Variants in ERI3 observed in about 807,000 individuals in gnomAD.
ERI3 encodes the protein ERI1 exoribonuclease 3.
ERI3 carries 18 observed loss-of-function variants against 44.4 expected under a neutral mutation model. That is an observed-to-expected ratio of 0.41 (90% CI 0.28 to 0.60). The LOEUF is 0.60. ERI3 is among the 20% of genes least tolerant of loss of function. The pLI is 0.36. For missense variants in ERI3, 294 were observed against 435.5 expected (o/e 0.68, Z 2.89); for synonymous variants, 183 against 164.8 (o/e 1.11, Z -0.84).
intron 6 of ERI3, among the ~76,000 whole-genome samples, chr1:44,300,266 A>C (rs1645695716): frequency 2.0e-5 from 3 of 152,236 alleles, no homozygotes; most frequent in African/African-American, 7.2e-5. Context: ...TTCACTGAGC[A>C]GAATTTCCAT....
chr1:44,349,959 AAATAC>A (rs1236506613), intron 2 of ERI3, among the ~76,000 whole-genome samples: 44 of 152,320 alleles, frequency 2.9e-4, no homozygotes, highest in African/African-American at 1.1e-3. Flanking sequence ...GACGCTCACC[AAATAC>A]AATACTTTAT....
chr1:44,319,266 T>A (rs1199239501), intron 4 of ERI3, among the ~76,000 whole-genome samples: 1 of 152,268 alleles, frequency 6.6e-6, no homozygotes, highest in African/African-American at 2.4e-5. Flanking sequence ...GGCCTGAACA[T>A]AACCCTGCCT....
intron 2 of ERI3, among the ~76,000 whole-genome samples, chr1:44,340,753 G>A (rs1257276422): frequency 6.6e-6 from 1 of 152,146 alleles, no homozygotes. Flanking sequence ...GTTCTTCATG[G>A]ATCCTGCACA....
At chr1:44,269,473 C>T (rs1374187862) in intron 7 of ERI3, among the ~76,000 whole-genome samples, 4 of 152,190 alleles carry the variant, frequency 2.6e-5, no homozygotes, top group African/African-American at 4.8e-5. Context: ...TTTGTGGGCC[C>T]GTGCACACAT....
chr1:44,328,209 C>T (rs1041576781), intron 3 of ERI3, among the ~76,000 whole-genome samples: 5 of 148,702 alleles, frequency 3.4e-5, no homozygotes, highest in African/African-American at 1.2e-4. Flanking sequence ...AAGCAATACA[C>T]AAACGGATAC....
chr1:44,331,844 A>G (rs1287184320), intron 3 of ERI3, among the ~76,000 whole-genome samples: 2 of 152,050 alleles, frequency 1.3e-5, no homozygotes, highest in African/African-American at 4.8e-5. Context: ...TGGTCTCCTG[A>G]ATTTCTTATA....
At chr1:44,266,153 AGGC>A (rs1309888924) in intron 7 of ERI3, among the ~76,000 whole-genome samples, 1 of 152,212 alleles carries the variant, frequency 6.6e-6, no homozygotes, top group Non-Finnish European at 1.5e-5. Flanking sequence ...AGCTTTCTGA[AGGC>A]ACTTGATATA....
intron 7 of ERI3, among the ~76,000 whole-genome samples, chr1:44,281,475 C>T (rs1645280545): frequency 6.6e-6 from 1 of 151,268 alleles, no homozygotes; most frequent in African/African-American, 2.4e-5. Flanking sequence ...GTAGTCCCAG[C>T]TACTTGGGAG....
At chr1:44,313,360 G>C (rs1646014435) in intron 4 of ERI3, 132 bp from the exon 5 acceptor site, 1 of 754,228 alleles carries the variant, frequency 1.3e-6, no homozygotes, top group South Asian at 1.7e-5. Flanking sequence ...TTTAGGTTCA[G>C]AGCCCACCTA....
At chr1:44,343,777 C>G (rs893808888) in intron 2 of ERI3, among the ~76,000 whole-genome samples, 5 of 152,028 alleles carry the variant, frequency 3.3e-5, no homozygotes, top group Admixed American at 6.6e-5. Flanking sequence ...TGTATTTTGA[C>G]TAGGTAGGAA....
At chr1:44,246,519 T>C (rs1644557805) in intron 8 of ERI3, among the ~76,000 whole-genome samples, 1 of 152,226 alleles carries the variant, frequency 6.6e-6, no homozygotes, top group African/African-American at 2.4e-5. Context: ...TCACTTCCTC[T>C]TAGCCTGAGC....
chr1:44,297,166 C>T (rs1034889387), intron 6 of ERI3, among the ~76,000 whole-genome samples: 3 of 152,112 alleles, frequency 2.0e-5, no homozygotes, highest in Non-Finnish European at 4.4e-5. Flanking sequence ...CCAACATCCT[C>T]GCAAGCTTTG....
chr1:44,344,546 C>A (rs1008507437), intron 2 of ERI3, among the ~76,000 whole-genome samples: 25 of 152,214 alleles, frequency 1.6e-4, no homozygotes, highest in African/African-American at 4.6e-4. Flanking sequence ...CTGCTCCCTG[C>A]AGCAGCATCC....
At position 44,339,100 on chromosome 1, in the gene ERI3, T is replaced by G. The variant is rs1324835799; in HGVS notation, c.434A>C (p.Tyr145Ser). The G allele has an allele frequency of 6.2e-7, 1 of 1,613,586 alleles. No individual in the cohort carries two copies. The highest frequency in any genetic ancestry group is 8.5e-7 in the Non-Finnish European group (1 of 1,179,900). Residue 145 changes from tyrosine to serine, a missense_variant, in exon 3 of 9, where the codon TAC becomes TCC. Physicochemically the swap from Tyr to Ser is moderately radical, Grantham distance 144. This residue lies in a region of ERI3 where 187 missense variants were observed against 338.6 expected (regional missense o/e 0.55). Coordinates refer to ENST00000372257, the MANE Select transcript of ERI3 (RefSeq NM_024066.3). The stretch of plus-strand genomic sequence containing the variant: ...GGCCTCAAAGTCCAGCACTAAAAAG[T>G]AGTGATACCTCTGGGGAGGGAAGGA... ...MVSFPPQRYH[Y>S]FLVLDFEATC...
rs190472864 is a variant in ERI3 at position 44,272,791 on chromosome 1, G to A, written c.831+12044C>T. 8.4e-4 allele frequency among the ~76,000 whole-genome samples: 127 copies of A among 151,954 alleles called. No homozygotes were observed. The Middle Eastern group carries it at 0.01, about 12-fold the overall frequency. The stretch of plus-strand genomic sequence containing the variant: ...GGAGGCAGAGGTTGTAGTAAGCCGA[G>A]ATCATGCCACCGCATTCCAGCCTAG... On this transcript the variant is annotated intron_variant, in intron 7 of 8. Coordinates refer to ENST00000372257, the MANE Select transcript of ERI3 (RefSeq NM_024066.3).
At chr1:44,275,532 C>T (rs1645164878) in intron 7 of ERI3, among the ~76,000 whole-genome samples, 1 of 152,220 alleles carries the variant, frequency 6.6e-6, no homozygotes, top group South Asian at 2.1e-4. Flanking sequence ...GACATCAACC[C>T]TCCCTTTGGC....
chr1:44,268,750 T>C (rs1645035872), intron 7 of ERI3, among the ~76,000 whole-genome samples: 2 of 152,202 alleles, frequency 1.3e-5, no homozygotes, highest in East Asian at 3.9e-4. Context: ...CATCACTTGG[T>C]GTCTGCCAAG....
intron 5 of ERI3, among the ~76,000 whole-genome samples, chr1:44,312,475 T>C (rs1487866614): frequency 6.6e-6 from 1 of 152,068 alleles, no homozygotes; most frequent in Non-Finnish European, 1.5e-5. Context: ...TCCCTCGGGC[T>C]ACAGCGCAAG....
chr1:44,339,385 C>T, intron 2 of ERI3, 63 bp from the exon 3 acceptor site: 1 of 1,379,988 alleles, frequency 7.2e-7, no homozygotes, highest in Admixed American at 2.6e-5. Flanking sequence ...AAAAAAAGAA[C>T]AGAGAGCCTG....
Sources: allele counts gnomAD v4.1 joint callset (sites outside exome capture counted in the v4.1 genomes callset), GRCh38; gene constraint gnomAD v4.1.1; regional missense constraint gnomAD v4.1.1; transcripts MANE v1.5; gene names NCBI Gene and HGNC (gene_info 2026-07-23, HGNC 2026-07-21).